The following FAM228A variants were observed in gnomAD, a reference collection of about 807,000 sequenced individuals.
The protein encoded by FAM228A is family with sequence similarity 228 member A, also known as protein FAM228A.
A neutral mutation model predicts 18.6 loss-of-function variants in FAM228A; 13 were observed. That is an observed-to-expected ratio of 0.70 (90% confidence interval 0.45 to 1.11). FAM228A has a LOEUF of 1.11. Ranked by LOEUF, FAM228A falls within the 50% of genes least tolerant of loss-of-function variation. The pLI, the probability that FAM228A is intolerant of heterozygous loss-of-function variation, is 0.00. For synonymous variants in FAM228A, 77 were observed against 86.6 expected, an observed-to-expected ratio of 0.89 and a Z score of 0.61; for missense variants, 240 against 242.2, an observed-to-expected ratio of 0.99 and a Z score of 0.06.
chr2:24,190,880 G>A lies in FAM228A; in HGVS notation c.*249G>A. 8.3e-7 allele frequency: 1 copy of A among 1,198,614 alleles called. No homozygotes were observed. The highest frequency in any genetic ancestry group is 1.0e-6 in the Non-Finnish European group (1 of 964,822). 74.2% of individuals were successfully genotyped at this position (1,198,614 alleles called of 1,614,324 possible). On this transcript the variant is annotated 3_prime_UTR_variant, in exon 6 of 6. Coordinates refer to ENST00000295150, the MANE Select transcript of FAM228A (RefSeq NM_001040710.3). ...GAGGTGAGGGCCAACCTGGCCACAG[G>A]GGCTTTTCCCCCTGAGATTTCTTCA... is the stretch of plus-strand genomic sequence containing the variant.
intron 5 of FAM228A, among the ~76,000 whole-genome samples, 156 bp downstream of exon 5, chr2:24,183,801 C>CA (rs1667874065): frequency 2.0e-5 from 3 of 152,076 alleles, no homozygotes; most frequent in Admixed American, 2.0e-4. Context: ...ATGTAGAGGA[C>CA]AGAATAAAAC....
intron 3 of FAM228A, 151 bp from the exon 4 acceptor site, chr2:24,183,134 C>T (rs561108142): frequency 9.6e-5 from 59 of 617,516 alleles, no homozygotes; most frequent in African/African-American, 7.7e-4. Context: ...AGCAGAGTCC[C>T]GAATAGGTCG....
chr2:24,183,548 G>A lies in FAM228A; in HGVS notation c.304G>A (p.Ala102Thr), dbSNP rs1195073779. ...LEEIEKARLH[A>T]SSPYFTFTSH... ...AGAAATAGAGAAGGCCAGGCTGCAT[G>A]CCAGCTCGCCCTACTTCACTTTCAC... The change falls in exon 5 of 6, where the codon GCC becomes ACC. Residue 102 changes from alanine (A) to threonine (T), a missense_variant. Transcript: ENST00000295150. The A allele has an allele frequency of 2.5e-6, 4 of 1,613,860 alleles. No homozygotes were observed. The African/African-American group carries it at 5.3e-5, about 22-fold the overall frequency.
Position 24,190,513 on chromosome 2 carries a change from A to C in FAM228A, c.503A>C (p.Lys168Thr). 1 of 1,614,154 alleles carries C rather than the reference A, an allele frequency of 6.2e-7. No individual in the cohort carries two copies. Among genetic ancestry groups the C allele is most frequent in the South Asian group, 1.1e-5 (1 of 91,072 alleles). ...TTTGAAAGGCAGTTCCTTTCCTCAA[A>C]GCTCAGCCAGAAGAACAAAGTGGGT... ...AAFERQFLSSKLSQKNKVGER... is the reference protein window; with the variant it reads ...AAFERQFLSSTLSQKNKVGER... The change falls in exon 6 of 6, where the codon AAG becomes ACG. Residue 168 changes from lysine (K) to threonine (T), a missense_variant. Transcript: ENST00000295150.
At chr2:24,175,901 T>G in intron 2 of FAM228A, 1 of 1,080,280 alleles carries the variant, frequency 9.3e-7, no homozygotes, top group African/African-American at 1.7e-5. Flanking sequence ...TCAAAAAGTT[T>G]CATTATTTTG....
chr2:24,189,992 C>G (rs902652403), intron 5 of FAM228A, among the ~76,000 whole-genome samples: 2 of 152,184 alleles, frequency 1.3e-5, no homozygotes, highest in Non-Finnish European at 2.9e-5. Context: ...CTATGTGGCA[C>G]TCACCATTAC....
At position 24,184,295 on chromosome 2, in the gene FAM228A, G is replaced by A. The variant is rs144299522; in HGVS notation, c.401+650G>A. Among the ~76,000 whole-genome samples the A allele has an allele frequency of 2.1e-3, 322 of 151,482 alleles. 1 individual carries two copies. Among genetic ancestry groups the A allele is most frequent in the African/African-American group, 7.4e-3 (306 of 41,256 alleles). On this transcript the variant is annotated intron_variant, in intron 5 of 5. Transcript: ENST00000295150. ...CTCGGGAGACTGAGGCAGGAGAATC[G>A]CTTGAACTCGGGAAGCAGAAGTTGC...
In FAM228A at chr2:24,184,361, CAG is replaced by C. The variant is rs760466522; in HGVS notation, c.401+719_401+720del. Among the ~76,000 whole-genome samples, 11 of 140,668 alleles carry C rather than the reference CAG, an allele frequency of 7.8e-5. No individual in the cohort carries two copies. In the East Asian group the frequency reaches 1.4e-3, roughly 18 times the overall value. The allele number at this position is 140,668 out of a possible 152,430, so 92.3% of individuals were successfully genotyped here. A position where few individuals can be genotyped will look rare whatever the true frequency, so the allele number is the denominator to read the frequency against. On this transcript the variant is annotated intron_variant, in intron 5 of 5. Coordinates refer to ENST00000295150, the MANE Select transcript of FAM228A (RefSeq NM_001040710.3). ...TGCCACTGCACTCCAGCCTGGGCAA[CAG>C]AGTGAGACACTGTCAAAAAAAAAAA...
chr2:24,178,722 G>A (rs62139962), intron 3 of FAM228A, among the ~76,000 whole-genome samples: 3,867 of 152,282 alleles, frequency 0.025, 90 homozygotes, highest in Middle Eastern at 0.078. Flanking sequence ...AGTCTAGTGC[G>A]CTTTCTACTC....
At chr2:24,178,683 C>G (rs977127784) in intron 3 of FAM228A, among the ~76,000 whole-genome samples, 11 of 152,236 alleles carry the variant, frequency 7.2e-5, no homozygotes, top group Non-Finnish European at 1.3e-4. Context: ...GGGATTACCT[C>G]TCTTTCACAG....
rs1667657729 is a variant in FAM228A at position 24,175,484 on chromosome 2, G to A, written c.4G>A (p.Ala2Thr). The change falls in exon 2 of 6, where the codon GCT becomes ACT. Residue 2 changes from alanine (A) to threonine (T), a missense_variant. Ala to Thr is a moderately conservative substitution (Grantham distance 58). Transcript: ENST00000295150. Reference sequence around the variant, plus strand: ...TCCCTCAGGGATTCTCCTGTCCATGGCTGCCACCAAAACTGCGAGTTATGA... The same window carrying A: ...TCCCTCAGGGATTCTCCTGTCCATGACTGCCACCAAAACTGCGAGTTATGA... M[A>T]ATKTASYDEH... 1 of 1,613,678 alleles carries A rather than the reference G, an allele frequency of 6.2e-7. No individual in the cohort carries two copies. The highest frequency in any genetic ancestry group is 8.5e-7 in the Non-Finnish European group (1 of 1,179,672).
chr2:24,187,156 A>G (rs1025540736), intron 5 of FAM228A, among the ~76,000 whole-genome samples: 2 of 151,968 alleles, frequency 1.3e-5, no homozygotes, highest in African/African-American at 4.8e-5. Context: ...TGTCATTTAT[A>G]CTCTACCATG....
chr2:24,184,413 T>C (rs1667894639), intron 5 of FAM228A, among the ~76,000 whole-genome samples: 2 of 150,996 alleles, frequency 1.3e-5, no homozygotes, highest in East Asian at 4.0e-4. Context: ...TTACATACCA[T>C]AAAATTCATC....
Position 24,191,337 on chromosome 2 carries a change from C to A in FAM228A, c.*706C>A. 1.0e-6 allele frequency: 1 copy of A among 985,652 alleles called. No individual in the cohort carries two copies. The highest frequency in any genetic ancestry group is 1.2e-6 in the Non-Finnish European group (1 of 830,120). The allele number at this position is 985,652 out of a possible 1,614,324, so 61.1% of individuals were successfully genotyped here. ...CAGGATGGGGGACTGCTGCTGCTTT[C>A]CAGCCTGTGAGCCTGGATAGGTATT... On this transcript the variant is annotated 3_prime_UTR_variant, in exon 6 of 6. Coordinates refer to ENST00000295150, the MANE Select transcript of FAM228A (RefSeq NM_001040710.3).
chr2:24,178,263 C>G (rs115200918), intron 3 of FAM228A, among the ~76,000 whole-genome samples: 2 of 152,084 alleles, frequency 1.3e-5, no homozygotes, highest in African/African-American at 2.4e-5. Flanking sequence ...ATAGTCACTA[C>G]GAAATTAGCT....
At chr2:24,179,129 C>T in intron 3 of FAM228A, 2 of 1,079,968 alleles carry the variant, frequency 1.9e-6, no homozygotes, top group South Asian at 4.7e-5. Context: ...TATGTATTTT[C>T]AGCATGTGGA....
At chr2:24,179,006 G>A (rs575886477) in intron 3 of FAM228A, 2 of 270,160 alleles carry the variant, frequency 7.4e-6, no homozygotes, top group Admixed American at 1.2e-4. Context: ...GAATGTGGCT[G>A]AGAGCTTAGT....
At position 24,190,479 on chromosome 2, in the gene FAM228A, C is replaced by G; in HGVS notation, c.469C>G (p.Gln157Glu). ...AGAGAAAAAGACGGCCGACCTAAGTCAGGCTGCGTTTGAAAGGCAGTTCCT... is the reference window on the plus strand; with the variant it reads ...AGAGAAAAAGACGGCCGACCTAAGTGAGGCTGCGTTTGAAAGGCAGTTCCT... ...RKEKKTADLS[Q>E]AAFERQFLSS... The change falls in exon 6 of 6, where the codon CAG becomes GAG. Residue 157 changes from glutamine to glutamate, a missense_variant. Physicochemically the swap from Gln to Glu is conservative, Grantham distance 29 (BLOSUM62 2). Transcript: ENST00000295150. 2 of 1,614,178 alleles carry G rather than the reference C, an allele frequency of 1.2e-6. No individual in the cohort carries two copies. The highest frequency in any genetic ancestry group is 1.7e-6 in the Non-Finnish European group (2 of 1,180,026).
intron 2 of FAM228A, 184 bp downstream of exon 2, chr2:24,175,757 CCAGCCTGGG>C: frequency 1.3e-6 from 1 of 774,320 alleles, no homozygotes. Flanking sequence ...TTTCCAGTCG[CCAGCCTGGG>C]GGCTGGCGCA....
Sources: gnomAD v4.1 joint callset for allele counts (sites outside exome capture counted in the v4.1 genomes callset) on GRCh38, gnomAD v4.1.1 for gene constraint, MANE v1.5 for transcripts, NCBI Gene and HGNC (gene_info 2026-07-23, HGNC 2026-07-21) for gene names.